Variants in MYO6 observed in about 807,000 individuals in gnomAD.
MYO6 encodes the protein unconventional myosin-VI.
In MYO6, 74 loss-of-function variants were observed where a neutral mutation model predicts 178.7. The observed-to-expected ratio is 0.41, with a 90% CI of 0.34 to 0.50. The LOEUF (loss-of-function observed/expected upper bound fraction) is 0.50, where lower values mean the gene tolerates loss of function less well. Among genes scored for constraint, MYO6 ranks in the 20% least tolerant of loss-of-function variants. The pLI, the probability that MYO6 is intolerant of heterozygous loss-of-function variation, is 0.09. For synonymous variants in MYO6, 477 were observed against 504.6 expected, an observed-to-expected ratio of 0.95 and a Z score of 0.73; for missense variants, 1,330 against 1,547.4, an observed-to-expected ratio of 0.86 and a Z score of 2.36.
chr6:75,886,093 C>T lies in MYO6; in HGVS notation c.2506C>T (p.Arg836Cys), dbSNP rs138305791. ...GCTTTGCAAGAGGAGACACAAACCT[C>T]GGTAAGATGAATAGTTCCTAAAAAG... ...MWLCKRRHKP[R>C]IDGLVKVGTL... The change falls in exon 24 of 35, where the codon CGC becomes TGC. Residue 836 changes from arginine (R) to cysteine (C), a missense_variant and splice_region_variant. Around this residue, in one of 3 missense-constraint regions of MYO6, gnomAD observed 601 missense variants for 626.1 expected, o/e 0.96. Transcript: ENST00000369977. 26 of 1,599,256 alleles carry T rather than the reference C, an allele frequency of 1.6e-5. No homozygotes were observed. The highest frequency in any genetic ancestry group is 1.9e-5 in the Non-Finnish European group (22 of 1,167,248).
At chr6:75,906,603 G>A (rs1272416591) in intron 30 of MYO6, among the ~76,000 whole-genome samples, 1 of 152,126 alleles carries the variant, frequency 6.6e-6, no homozygotes, top group Admixed American at 6.5e-5. Context: ...TTGAGCCCGG[G>A]TGGTGGAGGT....
chr6:75,904,121 T>G (rs1371653012), intron 30 of MYO6, among the ~76,000 whole-genome samples: 1 of 152,140 alleles, frequency 6.6e-6, no homozygotes, highest in East Asian at 1.9e-4. Context: ...GGGCTTCCCT[T>G]TGAGGGTAAC....
At chr6:75,891,893 A>T (rs923930879) in intron 27 of MYO6, among the ~76,000 whole-genome samples, 3 of 152,178 alleles carry the variant, frequency 2.0e-5, no homozygotes, top group Admixed American at 2.0e-4. Context: ...AATGTGGATA[A>T]ATAATAGTTG....
chr6:75,749,755 C>T (rs746386549), intron 1 of MYO6, among the ~76,000 whole-genome samples: 1 of 152,212 alleles, frequency 6.6e-6, no homozygotes, highest in Non-Finnish European at 1.5e-5. Flanking sequence ...GTTTTATTTT[C>T]TCTTTTGTAA....
At position 75,832,077 on chromosome 6, in the gene MYO6, G is replaced by T. The variant is rs965653718; in HGVS notation, c.392-765G>T. Reference sequence around the variant, plus strand: ...GATGACCTAGTTTTGAATTAAAGTTGTCTTAATTTGAGACTGCTTTAACAG... The same window carrying T: ...GATGACCTAGTTTTGAATTAAAGTTTTCTTAATTTGAGACTGCTTTAACAG... On this transcript the variant is annotated intron_variant, in intron 5 of 34. Coordinates refer to ENST00000369977, the MANE Select transcript of MYO6 (RefSeq NM_004999.4). Among the ~76,000 whole-genome samples, 6 of 152,070 alleles carry T rather than the reference G, an allele frequency of 3.9e-5. No individual in the cohort carries two copies. The East Asian group carries it at 1.2e-3, about 29-fold the overall frequency.
intron 31 of MYO6, among the ~76,000 whole-genome samples, chr6:75,908,025 C>T (rs1254372483): frequency 1.3e-5 from 2 of 151,998 alleles, no homozygotes; most frequent in Non-Finnish European, 1.5e-5. Flanking sequence ...TGAGTAGGAA[C>T]GATGAATTCA....
chr6:75,811,489 A>G (rs1016801150), intron 1 of MYO6, among the ~76,000 whole-genome samples: 2 of 152,192 alleles, frequency 1.3e-5, no homozygotes, highest in Non-Finnish European at 2.9e-5. Context: ...TGAAGGAGCA[A>G]TGTTAGCTGT....
intron 1 of MYO6, among the ~76,000 whole-genome samples, chr6:75,750,083 A>T (rs531173891): frequency 9.7e-4 from 145 of 149,092 alleles, no homozygotes; most frequent in African/African-American, 3.2e-3. Flanking sequence ...CATACAGTTT[A>T]AAAAATTCAT....
intron 22 of MYO6, 56 bp from the exon 23 acceptor site, chr6:75,881,633 A>T (rs866242108): frequency 2.0e-6 from 3 of 1,529,364 alleles, no homozygotes; most frequent in Non-Finnish European, 2.7e-6. Flanking sequence ...TCATGTCTTT[A>T]TGTGTTCAAA....
rs185393241 is a variant in MYO6, at chr6:75,860,019, C to T, written c.1474-1004C>T. ...CTACTCTGCTGCTGGCTCACCTTTC[C>T]CTGTCTGGCAGCAAAGCCATCAAGT... On this transcript the variant is annotated intron_variant, in intron 14 of 34. Transcript: ENST00000369977. Among the ~76,000 whole-genome samples, 58 of 152,252 alleles carry T rather than the reference C, an allele frequency of 3.8e-4. No individual in the cohort carries two copies. The East Asian group carries it at 0.011, about 28-fold the overall frequency.
chr6:75,858,817 A>G, intron 13 of MYO6, 85 bp from the exon 14 acceptor site: 2 of 782,580 alleles, frequency 2.6e-6, no homozygotes, highest in Non-Finnish European at 4.3e-6. Flanking sequence ...AAATTAAGCC[A>G]TTATTACAAT....
rs546955917 is a variant in MYO6 at position 75,848,913 on chromosome 6, T to A, written c.1078+382T>A. 2.6e-4 allele frequency among the ~76,000 whole-genome samples: 39 copies of A among 152,270 alleles called. 1 individual carries two copies. In the South Asian group the frequency reaches 7.9e-3, roughly 31 times the overall value. ...TTTGAAAATTTTCAGGATCATTGGG[T>A]GAATTAATTAGGGCAATTTAATATA... is the stretch of plus-strand genomic sequence containing the variant. On this transcript the variant is annotated intron_variant, in intron 11 of 34. Coordinates refer to ENST00000369977, the MANE Select transcript of MYO6 (RefSeq NM_004999.4).
intron 11 of MYO6, among the ~76,000 whole-genome samples, chr6:75,849,758 C>T (rs1469860308): frequency 6.6e-6 from 1 of 152,030 alleles, no homozygotes; most frequent in Non-Finnish European, 1.5e-5. Context: ...GTTACCAGAG[C>T]GAGAAACAAA....
At chr6:75,779,425 C>G (rs1329337029) in intron 1 of MYO6, among the ~76,000 whole-genome samples, 1 of 151,988 alleles carries the variant, frequency 6.6e-6, no homozygotes, top group Non-Finnish European at 1.5e-5. Flanking sequence ...TTGCTTGAAC[C>G]CAGGAGGTGG....
At chr6:75,864,538 GTCTT>G (rs2149304424) in intron 16 of MYO6, among the ~76,000 whole-genome samples, 2 of 152,224 alleles carry the variant, frequency 1.3e-5, no homozygotes, top group South Asian at 4.2e-4. Flanking sequence ...TAGCTCGCTG[GTCTT>G]TGTTATGACC....
At position 75,918,692 on chromosome 6, in the gene MYO6, C is replaced by T. The variant is rs1002265033; in HGVS notation, c.*3680C>T. 6.6e-6 allele frequency: 1 copy of T among 152,232 alleles called. No homozygotes were observed. Among genetic ancestry groups the T allele is most frequent in the Non-Finnish European group, 1.5e-5 (1 of 68,048 alleles). The allele number at this position is 152,232 out of a possible 1,614,324, so 9.4% of individuals were successfully genotyped here. On this transcript the variant is annotated 3_prime_UTR_variant, in exon 35 of 35. Transcript: ENST00000369977. ...GAGTACGCTTTAGTTCAATTCAAATCACTGTATTCTTTCCCCATTGCTAAC... is the reference window on the plus strand; with the variant it reads ...GAGTACGCTTTAGTTCAATTCAAATTACTGTATTCTTTCCCCATTGCTAAC...
rs768543476 is a variant in MYO6 at position 75,848,469 on chromosome 6, G to A, written c.1016G>A (p.Arg339Gln). The stretch of plus-strand genomic sequence containing the variant: ...GATGAAGAAAAGCTTGATCTCTTCC[G>A]GGTAGTAGCTGGCGTCCTGCACCTT... ...LDDEEKLDLF[R>Q]VVAGVLHLGN... The change falls in exon 11 of 35, where the codon CGG (arginine) becomes CAG (glutamine). Residue 339 changes from arginine (R) to glutamine (Q), a missense_variant. Physicochemically the swap from Arg to Gln is conservative, Grantham distance 43. Around this residue, in one of 3 missense-constraint regions of MYO6, gnomAD observed 613 missense variants for 816.8 expected, o/e 0.75. Transcript: ENST00000369977. 14 of 1,613,724 alleles carry A rather than the reference G, an allele frequency of 8.7e-6. No homozygotes were observed. Among genetic ancestry groups the A allele is most frequent in the South Asian group, 3.3e-5 (3 of 91,082 alleles).
intron 1 of MYO6, among the ~76,000 whole-genome samples, chr6:75,770,035 G>GGTGGGGACTCT (rs1193145731): frequency 2.0e-5 from 3 of 151,990 alleles, no homozygotes; most frequent in African/African-American, 4.8e-5. Context: ...GTGGTGCCCT[G>GGTGGGGACTCT]GTGGGGACTC....
chr6:75,912,956 G>T (rs1780872725), intron 33 of MYO6, among the ~76,000 whole-genome samples: 1 of 152,048 alleles, frequency 6.6e-6, no homozygotes, highest in Non-Finnish European at 1.5e-5. Flanking sequence ...TAAAGCTTTT[G>T]CTATTTCTTG....
Sources: gnomAD v4.1 joint callset for allele counts (sites outside exome capture counted in the v4.1 genomes callset) on GRCh38, gnomAD v4.1.1 for gene constraint, gnomAD v4.1.1 regional missense constraint, MANE v1.5 for transcripts, NCBI Gene and HGNC (gene_info 2026-07-23, HGNC 2026-07-21) for gene names.